GRM1: variants seen among roughly 807,000 people sequenced by gnomAD.
GRM1 encodes glutamate metabotropic receptor 1.
In GRM1, 33 loss-of-function variants were observed where a neutral mutation model predicts 90.9. The observed-to-expected ratio is 0.36, with a 90% confidence interval of 0.28 to 0.49. The LOEUF (loss-of-function observed/expected upper bound fraction) is 0.49. GRM1 is among the 20% of genes least tolerant of loss of function. The pLI is 0.99. For missense variants in GRM1, 1,190 were observed against 1,534.3 expected (o/e 0.78, Z 3.75); for synonymous variants, 700 against 613.2 (o/e 1.14, Z -2.09).
chr6:146,289,076 A>G (rs1241636670), intron 2 of GRM1, among the ~76,000 whole-genome samples: 1 of 152,164 alleles, frequency 6.6e-6, no homozygotes, highest in Non-Finnish European at 1.5e-5. Context: ...ACTATGCTAT[A>G]TGAATGGTTA....
intron 1 of GRM1, among the ~76,000 whole-genome samples, chr6:146,108,477 T>C (rs1311916381): frequency 6.6e-6 from 1 of 152,224 alleles, no homozygotes; most frequent in African/African-American, 2.4e-5. Flanking sequence ...ATTTGAAATG[T>C]GCCTTTCACC....
chr6:146,116,921 T>C (rs1224109921), intron 1 of GRM1, among the ~76,000 whole-genome samples: 1 of 151,972 alleles, frequency 6.6e-6, no homozygotes, highest in Non-Finnish European at 1.5e-5. Context: ...TTTACCATAA[T>C]ATTTCTCACC....
intron 5 of GRM1, among the ~76,000 whole-genome samples, chr6:146,367,569 GC>G (rs774479609): frequency 3.3e-5 from 5 of 152,080 alleles, no homozygotes; most frequent in Non-Finnish European, 7.4e-5. Flanking sequence ...TCAACCCATG[GC>G]CCCCATAGTA....
intron 7 of GRM1, among the ~76,000 whole-genome samples, chr6:146,404,557 G>A (rs1051382830): frequency 2.0e-5 from 3 of 152,094 alleles, no homozygotes; most frequent in African/African-American, 4.8e-5. Context: ...TGACCATAAA[G>A]CATGTTTTTC....
intron 2 of GRM1, among the ~76,000 whole-genome samples, chr6:146,226,945 G>A (rs1165072601): frequency 6.6e-6 from 1 of 151,656 alleles, no homozygotes; most frequent in East Asian, 1.9e-4. Flanking sequence ...TCAGTAAATA[G>A]GAGAACTGTT....
intron 1 of GRM1, among the ~76,000 whole-genome samples, chr6:146,121,544 A>G (rs999668885): frequency 4.6e-5 from 7 of 152,006 alleles, no homozygotes; most frequent in African/African-American, 7.3e-5. Context: ...TCAATTTTAG[A>G]TCTTTCCTGC....
intron 3 of GRM1, among the ~76,000 whole-genome samples, chr6:146,343,099 A>G (rs1370591618): frequency 2.0e-5 from 3 of 151,822 alleles, no homozygotes; most frequent in African/African-American, 4.8e-5. Flanking sequence ...TATCTTTGAC[A>G]GTTTGTAGAG....
intron 2 of GRM1, among the ~76,000 whole-genome samples, chr6:146,239,896 G>A (rs1005939561): frequency 6.6e-6 from 1 of 152,078 alleles, no homozygotes; most frequent in Non-Finnish European, 1.5e-5. Context: ...TCCATTTGTG[G>A]TGGAGAAAAT....
intron 1 of GRM1, among the ~76,000 whole-genome samples, chr6:146,071,990 T>C (rs1333069065): frequency 2.0e-5 from 3 of 152,176 alleles, no homozygotes; most frequent in Non-Finnish European, 4.4e-5. Flanking sequence ...AGACAGGATC[T>C]TGGCAGCACA....
In GRM1 at chr6:146,247,000, T is replaced by C. The variant is rs186752176; in HGVS notation, c.951-57611T>C. ...ATTTATAATATGGGGGAAGGCCACA[T>C]TCAGGAATCAGGAAAATAACTGGTA... is the stretch of plus-strand genomic sequence containing the variant. On this transcript the variant is annotated intron_variant, in intron 2 of 7. Coordinates refer to ENST00000282753, the MANE Select transcript of GRM1 (RefSeq NM_001278064.2). Among the ~76,000 whole-genome samples the C allele has an allele frequency of 3.2e-3, 483 of 152,306 alleles. 4 individuals are homozygous for C. The highest frequency in any genetic ancestry group is 0.011 in the African/African-American group (469 of 41,564).
chr6:146,221,223 G>A (rs1780049852), intron 2 of GRM1, among the ~76,000 whole-genome samples: 1 of 152,000 alleles, frequency 6.6e-6, no homozygotes, highest in African/African-American at 2.4e-5. Context: ...TTAAGTTCTG[G>A]GATACATGTG....
chr6:146,133,036 G>C (rs1776469933), intron 1 of GRM1, among the ~76,000 whole-genome samples: 1 of 152,222 alleles, frequency 6.6e-6, no homozygotes, highest in South Asian at 2.1e-4. Context: ...TGGCTTACCT[G>C]AGTTTTTCAT....
At position 146,386,897 on chromosome 6, in the gene GRM1, G is replaced by A. The variant is rs1429236981; in HGVS notation, c.1610G>A (p.Arg537Gln). The change falls in exon 6 of 8, where the codon CGG becomes CAG. Residue 537 changes from arginine to glutamine, a missense_variant. By Grantham distance (43) the Arg-to-Gln change is conservative (BLOSUM62 1). This residue lies in a region of GRM1 where 414 missense variants were observed against 598.4 expected (regional missense o/e 0.69). Transcript: ENST00000282753. ...PCLKGQIKVI[R>Q]KGEVSCCWIC... is the part of the protein sequence containing the mutation. ...GAAATATCTATGTTATAGGTTATAC[G>A]GAAAGGAGAAGTGAGCTGCTGCTGG... 3.1e-6 allele frequency: 5 copies of A among 1,608,334 alleles called. No homozygotes were observed. The highest frequency in any genetic ancestry group is 4.3e-6 in the Non-Finnish European group (5 of 1,175,214).
chr6:146,406,294 T>A (rs1230601644), intron 7 of GRM1, among the ~76,000 whole-genome samples: 2 of 152,332 alleles, frequency 1.3e-5, no homozygotes, highest in African/African-American at 4.8e-5. Context: ...CCTGTGTTGA[T>A]GTGTAATGGT....
chr6:146,186,098 T>G (rs867501931), intron 2 of GRM1, among the ~76,000 whole-genome samples: 3 of 147,488 alleles, frequency 2.0e-5, no homozygotes, highest in Non-Finnish European at 4.5e-5. Flanking sequence ...ACAGCTGGTT[T>G]TTTTTTTTTT....
chr6:146,198,255 G>A (rs2328729), intron 2 of GRM1, among the ~76,000 whole-genome samples: 33,047 of 152,054 alleles, frequency 0.22, 7,385 homozygotes, highest in African/African-American at 0.57. Context: ...GGCATCTGGC[G>A]GAGTCTATGG....
At chr6:146,096,986 A>G (rs1485171865) in intron 1 of GRM1, among the ~76,000 whole-genome samples, 1 of 152,092 alleles carries the variant, frequency 6.6e-6, no homozygotes, top group Non-Finnish European at 1.5e-5. Flanking sequence ...ATGCCAGGGA[A>G]TGATAGTTAT....
rs149000855 is a variant in GRM1 at position 146,137,133 on chromosome 6, G to A, written c.701-22215G>A. 4.9e-3 allele frequency among the ~76,000 whole-genome samples: 749 copies of A among 152,210 alleles called. 4 individuals carry two copies. Among genetic ancestry groups the A allele is most frequent in the African/African-American group, 7.0e-3 (289 of 41,532 alleles). ...CTCCCAAAGTGCTGAGATTACAGGC[G>A]TGAGCTACCATGCCCGGCCGCAGAA... is the stretch of plus-strand genomic sequence containing the variant. On this transcript the variant is annotated intron_variant, in intron 1 of 7. Transcript: ENST00000282753.
intron 2 of GRM1, among the ~76,000 whole-genome samples, chr6:146,268,293 T>C (rs953236551): frequency 6.6e-6 from 1 of 152,236 alleles, no homozygotes; most frequent in African/African-American, 2.4e-5. Context: ...CTCAGCACTT[T>C]ACCTCACTGA....
Sources: gnomAD v4.1 joint callset for allele counts (sites outside exome capture counted in the v4.1 genomes callset) on GRCh38, gnomAD v4.1.1 for gene constraint, gnomAD v4.1.1 regional missense constraint, MANE v1.5 for transcripts, NCBI Gene and HGNC (gene_info 2026-07-23, HGNC 2026-07-21) for gene names.